KALRN: variants seen among roughly 807,000 people sequenced by gnomAD.
The protein encoded by KALRN is kalirin RhoGEF kinase.
Under a neutral mutation model 353.7 loss-of-function variants are expected in KALRN, and 70 were observed. The observed-to-expected ratio is 0.20, with a 90% CI of 0.16 to 0.24. KALRN has a LOEUF of 0.24. Ranked by LOEUF, KALRN falls within the 10% of genes least tolerant of loss-of-function variation. KALRN has a pLI of 1.00. For synonymous variants in KALRN, 1,391 were observed against 1,434.8 expected, an observed-to-expected ratio of 0.97 and a Z score of 0.69; for missense variants, 2,791 against 3,756.7, an observed-to-expected ratio of 0.74 and a Z score of 6.72.
chr3:124,579,243 T>A (rs2074410148), intron 34 of KALRN, among the ~76,000 whole-genome samples: 1 of 152,190 alleles, frequency 6.6e-6, no homozygotes, highest in Admixed American at 6.5e-5. Flanking sequence ...GTGGTACACC[T>A]GGCCTACTAC....
At chr3:124,109,776 C>T (rs11717352) in intron 1 of KALRN, among the ~76,000 whole-genome samples, 4,908 of 63,268 alleles carry the variant, frequency 0.078, 26 homozygotes, top group East Asian at 0.27. Context: ...ATATATATGA[C>T]ATATATATCA....
At chr3:124,101,375 G>C (rs939094307) in intron 1 of KALRN, among the ~76,000 whole-genome samples, 2 of 152,184 alleles carry the variant, frequency 1.3e-5, no homozygotes, top group African/African-American at 4.8e-5. Context: ...TATTCTGCCA[G>C]AATTAGAGAA....
intron 33 of KALRN, chr3:124,519,949 C>G (rs781219856): frequency 1.1e-6 from 1 of 903,794 alleles, no homozygotes; most frequent in Non-Finnish European, 1.3e-6. Context: ...CCAGAAAGAT[C>G]TGTCAAGCTG....
intron 10 of KALRN, among the ~76,000 whole-genome samples, chr3:124,380,069 TG>T (rs1165894100): frequency 6.6e-6 from 1 of 152,132 alleles, no homozygotes; most frequent in Non-Finnish European, 1.5e-5. Flanking sequence ...ATAGTAAGGG[TG>T]ACTTTCAGGC....
intron 1 of KALRN, among the ~76,000 whole-genome samples, chr3:124,073,651 A>G (rs962127611): frequency 1.3e-5 from 2 of 152,216 alleles, no homozygotes; most frequent in Admixed American, 6.5e-5. Flanking sequence ...CTTATTATGC[A>G]CTAGCTACTA....
Position 124,495,996 on chromosome 3 carries a change from TATATATATATATATATAC to T in KALRN, c.4833-313_4833-296del, listed in dbSNP as rs1561137179. ...ATATATATATATATATATATATATA[TATATATATATATATATAC>T]ACACACATATATACATACATACACC... is the stretch of plus-strand genomic sequence containing the variant. On this transcript the variant is annotated intron_variant, in intron 32 of 59. Transcript: ENST00000682506. 1.8e-3 allele frequency among the ~76,000 whole-genome samples: 106 copies of T among 57,410 alleles called. 10 individuals are homozygous for T. The highest frequency in any genetic ancestry group is 2.4e-3 in the Non-Finnish European group (80 of 32,962). The allele number at this position is 57,410 out of a possible 152,430, so 37.7% of individuals were successfully genotyped here.
chr3:124,572,165 A>G (rs2073589548), intron 34 of KALRN, among the ~76,000 whole-genome samples: 3 of 151,570 alleles, frequency 2.0e-5, no homozygotes, highest in African/African-American at 7.3e-5. Context: ...TCTACCAAAA[A>G]TACAAAAAAT....
chr3:124,231,687 G>A (rs1190711609), intron 2 of KALRN, among the ~76,000 whole-genome samples: 1 of 151,470 alleles, frequency 6.6e-6, no homozygotes. Flanking sequence ...TAAGGCTCTG[G>A]GAAGTCCTGC....
chr3:124,637,235 G>C lies in KALRN; in HGVS notation c.5596G>C (p.Ala1866Pro), dbSNP rs34157843. 9.3e-6 allele frequency: 15 copies of C among 1,614,024 alleles called. No homozygotes were observed. The highest frequency in any genetic ancestry group is 2.2e-5 in the East Asian group (1 of 44,904). Residue 1866 changes from alanine (A) to proline (P), a missense_variant, in exon 37 of 60, where the codon GCT becomes CCT. By Grantham distance (27) the Ala-to-Pro change is conservative. This residue lies in a region of KALRN where 1,065 missense variants were observed against 1,156.4 expected (regional missense o/e 0.92). Transcript: ENST00000682506. ...CTCCTCTTTGCTAGCAGCCCGGCAG[G>C]CTTCCACTGAAGTACCTACTGCTGC... ...MSSSLLAARQ[A>P]STEVPTAADL...
intron 1 of KALRN, among the ~76,000 whole-genome samples, chr3:124,142,132 T>G (rs763409236): frequency 6.6e-6 from 1 of 152,234 alleles, no homozygotes; most frequent in Admixed American, 6.5e-5. Flanking sequence ...GATACTCACC[T>G]CTGCTCTTAC....
At position 124,430,704 on chromosome 3, in the gene KALRN, G is replaced by A; in HGVS notation, c.2758G>A (p.Val920Ile). ...NGESMLNASL[V>I]NASSLSEAEQ... ...AGAGTCAATGCTCAACGCCAGCCTG[G>A]TCAATGCCAGCTCTTTGTCGGAAGC... The change falls in exon 16 of 60, where the codon GTC becomes ATC. Residue 920 changes from valine to isoleucine, a missense_variant. This residue lies in a region of KALRN where 452 missense variants were observed against 575.8 expected (regional missense o/e 0.78). Transcript: ENST00000682506. 1.2e-6 allele frequency: 2 copies of A among 1,614,176 alleles called. No individual in the cohort carries two copies. The highest frequency in any genetic ancestry group is 1.7e-6 in the Non-Finnish European group (2 of 1,180,008).
intron 14 of KALRN, among the ~76,000 whole-genome samples, chr3:124,420,229 T>A (rs1049899427): frequency 5.3e-5 from 8 of 152,220 alleles, no homozygotes; most frequent in African/African-American, 1.9e-4. Flanking sequence ...GCCTGCTCTG[T>A]TTGATGTCCT....
chr3:124,539,497 C>T (rs755463698), intron 33 of KALRN, among the ~76,000 whole-genome samples: 15 of 152,150 alleles, frequency 9.9e-5, no homozygotes, highest in African/African-American at 2.2e-4. Flanking sequence ...ACCCACCAGA[C>T]GCACCTGCAC....
intron 9 of KALRN, among the ~76,000 whole-genome samples, chr3:124,345,019 A>G (rs1240565292): frequency 2.0e-5 from 3 of 152,140 alleles, no homozygotes; most frequent in Non-Finnish European, 4.4e-5. Context: ...AGAATAACCA[A>G]TTTTCTTAAA....
intron 1 of KALRN, among the ~76,000 whole-genome samples, chr3:124,040,245 A>T (rs1490891334): frequency 6.6e-6 from 1 of 152,214 alleles, no homozygotes; most frequent in African/African-American, 2.4e-5. Context: ...ATAAAACACT[A>T]TAAGGGGTGA....
intron 1 of KALRN, among the ~76,000 whole-genome samples, chr3:124,176,118 G>C (rs956175948): frequency 6.6e-6 from 1 of 152,024 alleles, no homozygotes; most frequent in Non-Finnish European, 1.5e-5. Flanking sequence ...CCCCTGACCA[G>C]CCTCTCTGGT....
At chr3:124,657,990 C>G (rs769044402) in intron 41 of KALRN, among the ~76,000 whole-genome samples, 187 bp downstream of exon 41, 1 of 152,032 alleles carries the variant, frequency 6.6e-6, no homozygotes, top group Non-Finnish European at 1.5e-5. Context: ...CCCATCTCTA[C>G]GAAGAATTTA....
At chr3:124,485,314 T>C (rs1577331763) in intron 28 of KALRN, among the ~76,000 whole-genome samples, 1 of 152,196 alleles carries the variant, frequency 6.6e-6, no homozygotes, top group Non-Finnish European at 1.5e-5. Context: ...TCAACTAAGA[T>C]GCAGTTCTAA....
intron 15 of KALRN, among the ~76,000 whole-genome samples, chr3:124,425,781 C>T (rs2092987365): frequency 6.6e-6 from 1 of 152,122 alleles, no homozygotes; most frequent in Non-Finnish European, 1.5e-5. Flanking sequence ...TATTTATTCT[C>T]CAACTACACA....
Sources: gnomAD v4.1 joint callset for allele counts (sites outside exome capture counted in the v4.1 genomes callset) on GRCh38, gnomAD v4.1.1 for gene constraint, gnomAD v4.1.1 regional missense constraint, MANE v1.5 for transcripts, NCBI Gene and HGNC (gene_info 2026-07-23, HGNC 2026-07-21) for gene names.